The following LTBP1 variants were observed in gnomAD, a reference collection of about 807,000 sequenced individuals.
LTBP1 encodes latent-transforming growth factor beta-binding protein 1.
Under a neutral mutation model 207.6 loss-of-function variants are expected in LTBP1, and 129 were observed. The ratio of observed to expected loss-of-function variants is 0.62; its 90% confidence interval spans 0.54 to 0.72. The LOEUF (loss-of-function observed/expected upper bound fraction) is 0.72, where lower values mean the gene tolerates loss of function less well. Ranked by LOEUF, LTBP1 falls within the 30% of genes least tolerant of loss-of-function variation. The pLI is 0.00. For missense variants in LTBP1, 2,281 were observed against 2,217.2 expected, an observed-to-expected ratio of 1.03 and a Z score of -0.58; for synonymous variants, 963 against 833.7, an observed-to-expected ratio of 1.16 and a Z score of -2.67.
chr2:32,955,420 T>C (rs779939866), intron 2 of LTBP1, among the ~76,000 whole-genome samples: 11 of 152,082 alleles, frequency 7.2e-5, no homozygotes, highest in Non-Finnish European at 1.3e-4. Flanking sequence ...TCAGTGATTA[T>C]GTAGAGTGCC....
chr2:32,987,144 C>T (rs917209370), intron 2 of LTBP1, among the ~76,000 whole-genome samples: 3 of 152,038 alleles, frequency 2.0e-5, no homozygotes, highest in Admixed American at 1.3e-4. Flanking sequence ...AGGTAGGAGA[C>T]GGAAAAGTAG....
intron 3 of LTBP1, among the ~76,000 whole-genome samples, chr2:33,069,024 C>T (rs1205908036): frequency 6.6e-6 from 1 of 152,160 alleles, no homozygotes; most frequent in Non-Finnish European, 1.5e-5. Flanking sequence ...CAAAAACCAA[C>T]AGCAGTAAAG....
At chr2:33,398,239 C>T (rs2034693) in intron 33 of LTBP1, 125 bp from the exon 34 acceptor site, 388,190 of 769,598 alleles carry the variant, frequency 0.5, 98,647 homozygotes, top group East Asian at 0.6. Flanking sequence ...TTGTCTGTGA[C>T]TGAAGCAATG....
chr2:33,180,450 CA>C (rs1296906118), intron 5 of LTBP1, among the ~76,000 whole-genome samples: 2 of 134,910 alleles, frequency 1.5e-5, no homozygotes, highest in African/African-American at 5.7e-5. Flanking sequence ...TGTAGCGTGG[CA>C]TAGTTTTTTT....
intron 3 of LTBP1, among the ~76,000 whole-genome samples, chr2:33,083,411 T>C (rs1389908016): frequency 6.6e-6 from 1 of 151,902 alleles, no homozygotes; most frequent in Non-Finnish European, 1.5e-5. Context: ...GACATCAAAA[T>C]TGAGGAGTCC....
In LTBP1 at chr2:33,132,110, G is replaced by A. The variant is rs149836123; in HGVS notation, c.1034-2683G>A. 4.9e-4 allele frequency among the ~76,000 whole-genome samples: 75 copies of A among 152,296 alleles called. 1 individual carries two copies. In the East Asian group the frequency reaches 7.3e-3, roughly 15 times the overall value. On this transcript the variant is annotated intron_variant, in intron 4 of 33. Coordinates refer to ENST00000404816, the MANE Select transcript of LTBP1 (RefSeq NM_206943.4). Reference sequence around the variant, plus strand: ...TTCTAATTTCATGATTGTACCAGGAGCCAGAAAAAGGAGGAGTTTATATTC... The same window carrying A: ...TTCTAATTTCATGATTGTACCAGGAACCAGAAAAAGGAGGAGTTTATATTC...
intron 16 of LTBP1, 115 bp from the exon 17 acceptor site, chr2:33,274,850 T>C: frequency 1.0e-6 from 1 of 955,820 alleles, no homozygotes; most frequent in South Asian, 1.5e-5. Flanking sequence ...GCTGTTGTCC[T>C]CAGTTATAAA....
chr2:32,947,757 C>G lies in LTBP1; in HGVS notation c.433C>G (p.Gln145Glu), dbSNP rs1465495649. The stretch of plus-strand genomic sequence containing the variant: ...GCAAGTTGTGCGCTCCAAGGTGCCG[C>G]AGGAGACCCAGAGCGGCGGAGGCTC... ...GRQVVRSKVP[Q>E]ETQSGGGSRL... The change falls in exon 1 of 34, where the codon CAG becomes GAG. Residue 145 changes from glutamine (Q) to glutamate (E), a missense_variant. Gln to Glu is a conservative substitution (Grantham distance 29, BLOSUM62 2). Around this residue, in one of 3 missense-constraint regions of LTBP1, gnomAD observed 555 missense variants for 491.0 expected, o/e 1.13. Transcript: ENST00000404816. The G allele has an allele frequency of 9.8e-6, 15 of 1,523,484 alleles. No homozygotes were observed. Among genetic ancestry groups the G allele is most frequent in the African/African-American group, 1.4e-5 (1 of 69,880 alleles). The allele number at this position is 1,523,484 out of a possible 1,614,324, so 94.4% of individuals were successfully genotyped here.
chr2:33,173,135 G>A (rs1324768955), intron 5 of LTBP1, among the ~76,000 whole-genome samples: 3 of 151,864 alleles, frequency 2.0e-5, no homozygotes, highest in Non-Finnish European at 4.4e-5. Flanking sequence ...GCTAGCAGAA[G>A]GCAAGAAATA....
At chr2:33,315,901 C>T (rs111678052) in intron 24 of LTBP1, among the ~76,000 whole-genome samples, 1,562 of 152,274 alleles carry the variant, frequency 0.01, 20 homozygotes, top group African/African-American at 0.035. Context: ...GGCACCATTG[C>T]ACTCCAGCCT....
chr2:33,057,333 C>T (rs1280346697), intron 3 of LTBP1, among the ~76,000 whole-genome samples: 5 of 152,220 alleles, frequency 3.3e-5, no homozygotes, highest in Admixed American at 1.3e-4. Flanking sequence ...TCTCCAAGTC[C>T]CCACTAGACT....
intron 3 of LTBP1, among the ~76,000 whole-genome samples, chr2:33,038,221 A>G (rs1558546431): frequency 6.6e-6 from 1 of 152,216 alleles, no homozygotes. Flanking sequence ...CTCACCTGAG[A>G]TTTATGCTGT....
At chr2:33,326,781 C>T (rs1342320724) in intron 24 of LTBP1, among the ~76,000 whole-genome samples, 2 of 151,998 alleles carry the variant, frequency 1.3e-5, no homozygotes, top group Non-Finnish European at 2.9e-5. Context: ...GCCTCAGCCT[C>T]CCCAGTAGCT....
chr2:33,331,847 T>A (rs2094497576), intron 24 of LTBP1, among the ~76,000 whole-genome samples: 1 of 152,150 alleles, frequency 6.6e-6, no homozygotes, highest in Admixed American at 6.5e-5. Flanking sequence ...GGGTTTTATG[T>A]GTATTTTTTT....
intron 3 of LTBP1, among the ~76,000 whole-genome samples, chr2:33,062,035 T>C (rs1370274716): frequency 6.6e-6 from 1 of 152,194 alleles, no homozygotes; most frequent in Non-Finnish European, 1.5e-5. Flanking sequence ...ATTATGTTTT[T>C]AATTTGCATT....
chr2:32,958,852 C>T (rs1031479276), intron 2 of LTBP1, among the ~76,000 whole-genome samples: 2 of 152,172 alleles, frequency 1.3e-5, no homozygotes, highest in Non-Finnish European at 2.9e-5. Flanking sequence ...CCTGCCTTTG[C>T]TCTGTAAGGC....
intron 3 of LTBP1, among the ~76,000 whole-genome samples, chr2:33,074,731 A>T (rs1377833429): frequency 6.6e-6 from 1 of 152,180 alleles, no homozygotes; most frequent in African/African-American, 2.4e-5. Flanking sequence ...TTAGCCAGGC[A>T]TGGTGGCAGT....
chr2:33,212,918 A>G (rs1558823948), intron 7 of LTBP1, among the ~76,000 whole-genome samples: 1 of 152,232 alleles, frequency 6.6e-6, no homozygotes, highest in Non-Finnish European at 1.5e-5. Flanking sequence ...AAATACTTCT[A>G]GTCCCAAGCG....
At chr2:33,349,021 G>A (rs2094742826) in intron 26 of LTBP1, among the ~76,000 whole-genome samples, 1 of 152,102 alleles carries the variant, frequency 6.6e-6, no homozygotes, top group Non-Finnish European at 1.5e-5. Flanking sequence ...ACTGAGTTTA[G>A]CCATAAACTT....
Sources: gnomAD v4.1 joint callset for allele counts (sites outside exome capture counted in the v4.1 genomes callset) on GRCh38, gnomAD v4.1.1 for gene constraint, gnomAD v4.1.1 regional missense constraint, MANE v1.5 for transcripts, NCBI Gene and HGNC (gene_info 2026-07-23, HGNC 2026-07-21) for gene names.